The following RALB variants were observed in gnomAD, a reference collection of about 807,000 sequenced individuals.
RALB encodes the protein ras-related protein Ral-B.
A neutral mutation model predicts 21.3 loss-of-function variants in RALB; 16 were observed. That is an observed-to-expected ratio of 0.75 (90% CI 0.51 to 1.14). The LOEUF is 1.14. Among genes scored for constraint, RALB ranks in the 50% most tolerant of loss-of-function variants. The pLI is 0.00. For missense variants in RALB, 161 were observed against 256.2 expected (o/e 0.63, Z 2.54); for synonymous variants, 93 against 96.1 (o/e 0.97, Z 0.19).
chr2:120,259,701 G>A (rs1013509545), intron 1 of RALB, among the ~76,000 whole-genome samples: 8 of 152,258 alleles, frequency 5.3e-5, no homozygotes, highest in Admixed American at 1.3e-4. Flanking sequence ...AGTGGATCCC[G>A]CACCGGGGCT....
intron 4 of RALB, among the ~76,000 whole-genome samples, chr2:120,290,130 C>T (rs1690272568): frequency 6.6e-6 from 1 of 152,140 alleles, no homozygotes; most frequent in Non-Finnish European, 1.5e-5. Context: ...TCCCAAGTAG[C>T]TGGGACTACA....
intron 1 of RALB, among the ~76,000 whole-genome samples, chr2:120,244,616 TCATCCATCCATC>T (rs60555914): frequency 1.3e-5 from 2 of 151,942 alleles, no homozygotes; most frequent in Non-Finnish European, 2.9e-5. Flanking sequence ...AGCCATTCCC[TCATCCATCCATC>T]CATCCATCCA....
chr2:120,272,488 A>G (rs2104619561), intron 1 of RALB, among the ~76,000 whole-genome samples: 1 of 152,320 alleles, frequency 6.6e-6, no homozygotes, highest in South Asian at 2.1e-4. Flanking sequence ...TGATAAAGCA[A>G]ATGGAGCAAA....
chr2:120,263,379 A>G (rs939549395), intron 1 of RALB, among the ~76,000 whole-genome samples: 3 of 151,940 alleles, frequency 2.0e-5, no homozygotes, highest in Non-Finnish European at 2.9e-5. Context: ...GGCTGGTCTT[A>G]AACTCCTGGG....
At chr2:120,247,997 T>G (rs1688998622), upstream of RALB, among the ~76,000 whole-genome samples, 1 of 152,134 alleles carries the variant, frequency 6.6e-6, no homozygotes, top group Admixed American at 6.5e-5. Flanking sequence ...GTGCAACCCA[T>G]GCCTGAGAAC....
chr2:120,271,624 A>G (rs1384794418), intron 1 of RALB, among the ~76,000 whole-genome samples: 1 of 152,168 alleles, frequency 6.6e-6, no homozygotes, highest in African/African-American at 2.4e-5. Flanking sequence ...TTATGCTTCA[A>G]TATTATGTGA....
At chr2:120,253,263 C>T (rs182272951) in intron 1 of RALB, 8 of 506,438 alleles carry the variant, frequency 1.6e-5, no homozygotes, top group Non-Finnish European at 2.0e-5. Context: ...CTTCCCTATC[C>T]CGCAGATGGC....
At chr2:120,264,957 T>G (rs1689465068) in intron 1 of RALB, among the ~76,000 whole-genome samples, 1 of 152,228 alleles carries the variant, frequency 6.6e-6, no homozygotes, top group Non-Finnish European at 1.5e-5. Flanking sequence ...AGGCTGAATA[T>G]TCTACATTTA....
At chr2:120,264,194 A>G (rs1689441063) in intron 1 of RALB, among the ~76,000 whole-genome samples, 1 of 151,938 alleles carries the variant, frequency 6.6e-6, no homozygotes, top group Non-Finnish European at 1.5e-5. Context: ...TCTGTTGCTC[A>G]GGCTGGAGTG....
At chr2:120,250,014 T>A (rs1689029833), upstream of RALB, among the ~76,000 whole-genome samples, 1 of 152,226 alleles carries the variant, frequency 6.6e-6, no homozygotes, top group African/African-American at 2.4e-5. Flanking sequence ...TAAGATTGAT[T>A]TTTCTCATCC....
At chr2:120,246,238 C>T (rs1270193830) in intron 1 of RALB, among the ~76,000 whole-genome samples, 1 of 152,124 alleles carries the variant, frequency 6.6e-6, no homozygotes, top group Non-Finnish European at 1.5e-5. Flanking sequence ...GGGGCCAGTC[C>T]CAGTCCTGGG....
intron 1 of RALB, among the ~76,000 whole-genome samples, chr2:120,243,603 G>A (rs923111067): frequency 1.3e-5 from 2 of 152,080 alleles, no homozygotes; most frequent in African/African-American, 4.8e-5. Context: ...TGCCACTCTG[G>A]CCTCCTCTCT....
At chr2:120,281,631 A>T (rs1186785776) in intron 2 of RALB, among the ~76,000 whole-genome samples, 2 of 152,106 alleles carry the variant, frequency 1.3e-5, no homozygotes, top group Non-Finnish European at 2.9e-5. Context: ...TCTTTATCTT[A>T]TTCTGGGGGG....
intron 1 of RALB, 175 bp downstream of exon 1, chr2:120,253,155 C>T (rs1689102489): frequency 2.6e-6 from 1 of 379,552 alleles, no homozygotes; most frequent in Non-Finnish European, 3.6e-6. Context: ...GGCCCCGCTC[C>T]GCTCCGGGAG....
chr2:120,241,854 A>C (rs904521541), intron 1 of RALB, among the ~76,000 whole-genome samples: 15 of 152,244 alleles, frequency 9.9e-5, no homozygotes, highest in Non-Finnish European at 1.6e-4. Context: ...ATGGAAAACA[A>C]TATGATGGTT....
intron 1 of RALB, among the ~76,000 whole-genome samples, chr2:120,260,115 T>C (rs1689322787): frequency 6.6e-6 from 1 of 152,146 alleles, no homozygotes; most frequent in South Asian, 2.1e-4. Context: ...ACAGCCCCGG[T>C]TCCTGCTCGT....
At chr2:120,259,553 A>G (rs1287078211) in intron 1 of RALB, among the ~76,000 whole-genome samples, 4 of 152,238 alleles carry the variant, frequency 2.6e-5, no homozygotes, top group African/African-American at 9.6e-5. Context: ...CAGAGCAGCT[A>G]GATACAGAGT....
intron 1 of RALB, among the ~76,000 whole-genome samples, chr2:120,246,888 T>C (rs577867923): frequency 6.6e-6 from 1 of 151,706 alleles, no homozygotes; most frequent in East Asian, 1.9e-4. Flanking sequence ...GAGGACAGCT[T>C]AGCTGGGGAG....
intron 1 of RALB, among the ~76,000 whole-genome samples, chr2:120,258,093 G>A (rs1213172388): frequency 6.6e-6 from 1 of 152,144 alleles, no homozygotes; most frequent in Non-Finnish European, 1.5e-5. Flanking sequence ...TTTCTACTCT[G>A]TAGCCAGAAT....
Sources: gnomAD v4.1 joint callset for allele counts (sites outside exome capture counted in the v4.1 genomes callset) on GRCh38, gnomAD v4.1.1 for gene constraint, MANE v1.5 for transcripts, NCBI Gene and HGNC (gene_info 2026-07-23, HGNC 2026-07-21) for gene names.